Variants in SLC1A2 observed in about 807,000 individuals in gnomAD.
SLC1A2 encodes the protein solute carrier family 1 member 2.
In SLC1A2, 15 loss-of-function variants were observed where a neutral mutation model predicts 48.8. The observed-to-expected ratio is 0.31, with a 90% CI of 0.21 to 0.47. The LOEUF is 0.47. Ranked by LOEUF, SLC1A2 falls within the 20% of genes least tolerant of loss-of-function variation. The probability of loss-of-function intolerance (pLI) is 0.99; values close to 1 mark genes in which losing one functional copy is unlikely to be tolerated. For synonymous variants in SLC1A2, 279 were observed against 272.6 expected (o/e 1.02, Z -0.23); for missense variants, 502 against 730.5 (o/e 0.69, Z 3.61).
At position 35,262,577 on chromosome 11, in the gene SLC1A2, T is replaced by C. The variant is rs1368371484; in HGVS notation, c.1654-1612A>G. ...GGAAATAGTGAGACAGAATTAACCA[T>C]AAGGAAGTTCAAAGGAATAAGTAAA... On this transcript the variant is annotated intron_variant, in intron 10 of 10. Transcript: ENST00000278379. 2.6e-5 allele frequency among the ~76,000 whole-genome samples: 4 copies of C among 152,288 alleles called. No individual in the cohort carries two copies. In the South Asian group the frequency reaches 6.2e-4, roughly 24 times the overall value.
At chr11:35,358,722 C>G (rs1487819774) in intron 1 of SLC1A2, among the ~76,000 whole-genome samples, 1 of 152,182 alleles carries the variant, frequency 6.6e-6, no homozygotes, top group Non-Finnish European at 1.5e-5. Flanking sequence ...TGTCCCACTT[C>G]TGGTAAACCC....
chr11:35,420,092 G>A, upstream of SLC1A2: 1 of 254,888 alleles, frequency 3.9e-6, no homozygotes, highest in Admixed American at 4.4e-5. Flanking sequence ...TAATATTAAT[G>A]CAGCTCCCTG....
intron 1 of SLC1A2, among the ~76,000 whole-genome samples, chr11:35,407,133 G>A (rs770356192): frequency 2.0e-5 from 3 of 151,630 alleles, no homozygotes; most frequent in Non-Finnish European, 4.4e-5. Flanking sequence ...TCCAACTCTA[G>A]CTTGCTGACT....
intron 1 of SLC1A2, among the ~76,000 whole-genome samples, chr11:35,393,190 C>T (rs1351122418): frequency 6.6e-6 from 1 of 152,152 alleles, no homozygotes; most frequent in Non-Finnish European, 1.5e-5. Context: ...GGCAGAAGCC[C>T]AAGATGCATC....
At chr11:35,412,380 A>G (rs1032747173) in intron 1 of SLC1A2, among the ~76,000 whole-genome samples, 6 of 152,186 alleles carry the variant, frequency 3.9e-5, no homozygotes, top group Non-Finnish European at 8.8e-5. Flanking sequence ...CAAATTCTAT[A>G]CTTGGTGGAG....
At chr11:35,317,284 G>A (rs1385528076) in intron 2 of SLC1A2, 93 bp downstream of exon 2, 6 of 1,420,070 alleles carry the variant, frequency 4.2e-6, no homozygotes, top group South Asian at 1.3e-5. Context: ...TTCCTTTCTG[G>A]TGGAAGGGCT....
intron 1 of SLC1A2, among the ~76,000 whole-genome samples, chr11:35,397,264 C>G (rs1290623187): frequency 1.3e-5 from 2 of 148,310 alleles, no homozygotes; most frequent in African/African-American, 4.9e-5. Flanking sequence ...CATCACGCTA[C>G]CTGACTTCAA....
chr11:35,399,721 C>T (rs536760641), intron 1 of SLC1A2: 4 of 385,564 alleles, frequency 1.0e-5, no homozygotes, highest in African/African-American at 4.4e-5. Flanking sequence ...TGAATAAAGT[C>T]GGGAGCCACC....
At chr11:35,345,368 G>A (rs1204850911) in intron 1 of SLC1A2, among the ~76,000 whole-genome samples, 3 of 152,182 alleles carry the variant, frequency 2.0e-5, no homozygotes, top group Non-Finnish European at 4.4e-5. Context: ...AGAACCTTCT[G>A]CTGAGTTCTG....
intron 10 of SLC1A2, chr11:35,265,195 G>A (rs756669085): frequency 3.4e-5 from 13 of 376,964 alleles, no homozygotes; most frequent in African/African-American, 1.0e-4. Flanking sequence ...TGCCCGCCTC[G>A]GCCTAGTAAC....
At chr11:35,420,135 AT>A (rs561948166), upstream of SLC1A2, 6,424 of 149,392 alleles carry the variant, frequency 0.043, 114 homozygotes, top group East Asian at 0.19. Flanking sequence ...GGAGGCCGGG[AT>A]TTTTTTTTTT....
At chr11:35,326,667 A>G (rs1162278583) in intron 1 of SLC1A2, among the ~76,000 whole-genome samples, 1 of 152,246 alleles carries the variant, frequency 6.6e-6, no homozygotes, top group East Asian at 1.9e-4. Context: ...AGTCACTACC[A>G]TGACCTTGCA....
At chr11:35,419,567 G>T (rs992786786), upstream of SLC1A2, 2 of 156,934 alleles carry the variant, frequency 1.3e-5, no homozygotes, top group African/African-American at 4.8e-5. This position sits in a 1 kb window ranked among gnomAD's most constrained non-coding sequence, Gnocchi z 5.4. Flanking sequence ...CCGCGCCGCC[G>T]CCTCGGGCAA....
Position 35,413,291 on chromosome 11 carries a change from C to A in SLC1A2, c.17+5659G>T, listed in dbSNP as rs146266486. ...TGGCCTAGTAACTACAGGCATGGAT[C>A]CCAGAGCCAGGATGCTTGGTTTGAA... On this transcript the variant is annotated intron_variant, in intron 1 of 10. Coordinates refer to ENST00000278379, the MANE Select transcript of SLC1A2 (RefSeq NM_004171.4). 9.1e-4 allele frequency among the ~76,000 whole-genome samples: 139 copies of A among 152,290 alleles called. 1 individual carries two copies. The highest frequency in any genetic ancestry group is 3.2e-3 in the African/African-American group (134 of 41,558).
At chr11:35,384,021 C>T (rs1210903445) in intron 1 of SLC1A2, among the ~76,000 whole-genome samples, 2 of 152,236 alleles carry the variant, frequency 1.3e-5, no homozygotes, top group Non-Finnish European at 2.9e-5. Flanking sequence ...ACTGCCACAA[C>T]ACAGCAAAGT....
At chr11:35,324,972 A>G (rs1047883688) in intron 1 of SLC1A2, among the ~76,000 whole-genome samples, 1 of 152,204 alleles carries the variant, frequency 6.6e-6, no homozygotes, top group South Asian at 2.1e-4. Flanking sequence ...AGATTATGCC[A>G]TGGCCCAGGA....
intron 1 of SLC1A2, among the ~76,000 whole-genome samples, chr11:35,406,402 A>G (rs1470450801): frequency 6.6e-6 from 1 of 152,176 alleles, no homozygotes; most frequent in Admixed American, 6.5e-5. Flanking sequence ...GGAATGAGGT[A>G]GGACTAGGAA....
chr11:35,311,081 T>C (rs980714822), intron 4 of SLC1A2, among the ~76,000 whole-genome samples: 2 of 152,250 alleles, frequency 1.3e-5, no homozygotes, highest in Non-Finnish European at 2.9e-5. Context: ...TGTTTTTCAT[T>C]GTTCAAACAT....
chr11:35,304,544 G>A (rs1333901936), intron 5 of SLC1A2, among the ~76,000 whole-genome samples: 1 of 152,096 alleles, frequency 6.6e-6, no homozygotes, highest in African/African-American at 2.4e-5. Flanking sequence ...ACCTCCCACT[G>A]GTTGTTAAAC....
Sources: allele counts gnomAD v4.1 joint callset (sites outside exome capture counted in the v4.1 genomes callset), GRCh38; gene constraint gnomAD v4.1.1; non-coding constraint Gnocchi (gnomAD v3.1); transcripts MANE v1.5; gene names NCBI Gene and HGNC (gene_info 2026-07-23, HGNC 2026-07-21).